Variants in SMCO3 observed in about 807,000 individuals in gnomAD.
SMCO3 encodes single-pass membrane and coiled-coil domain-containing protein 3.
A neutral mutation model predicts 12.0 loss-of-function variants in SMCO3; 6 were observed. The observed-to-expected ratio is 0.50, with a 90% CI of 0.27 to 0.99. The LOEUF is 0.99. SMCO3 is among the 50% of genes least tolerant of loss of function. The pLI is 0.11. For missense variants in SMCO3, 279 were observed against 265.0 expected, an observed-to-expected ratio of 1.05 and a Z score of -0.37; for synonymous variants, 96 against 96.4, an observed-to-expected ratio of 1.00 and a Z score of 0.02.
At chr12:14,813,673 CAT>C (rs1419030516) in intron 1 of SMCO3, among the ~76,000 whole-genome samples, 8 of 152,154 alleles carry the variant, frequency 5.3e-5, no homozygotes, top group Admixed American at 5.2e-4. Flanking sequence ...TTAGATACAA[CAT>C]AATTTATGAA....
chr12:14,806,106 A>C lies in SMCO3; in HGVS notation c.575T>G (p.Ile192Ser). ...CACCAGATGCTTCTCATAACTTTTG[A>C]TGGCTGCTTGAAGCTGTGTTTTTTC... Reference protein sequence around the residue: ...AVEKTQLQAAIKSYEKHLVEF... With the variant: ...AVEKTQLQAASKSYEKHLVEF... Residue 192 changes from isoleucine to serine, a missense_variant, in exon 2 of 2, where the codon ATC becomes AGC. Coordinates refer to ENST00000316048, the MANE Select transcript of SMCO3 (RefSeq NM_001013698.2). The C allele has an allele frequency of 6.2e-7, 1 of 1,614,118 alleles. No individual in the cohort carries two copies. Among genetic ancestry groups the C allele is most frequent in the Non-Finnish European group, 8.5e-7 (1 of 1,180,032 alleles).
chr12:14,807,740 CAT>C (rs112861905), intron 1 of SMCO3, among the ~76,000 whole-genome samples: 2,508 of 152,204 alleles, frequency 0.016, 67 homozygotes, highest in African/African-American at 0.056. Flanking sequence ...ATCAGATAAT[CAT>C]GTGATTATTC....
intron 1 of SMCO3, among the ~76,000 whole-genome samples, chr12:14,810,739 T>C (rs1328418095): frequency 1.3e-5 from 2 of 152,216 alleles, no homozygotes; most frequent in Non-Finnish European, 2.9e-5. Flanking sequence ...TATTCTTAGA[T>C]ATGTGCTTGA....
At position 14,805,157 on chromosome 12, in the gene SMCO3, T is replaced by A. The variant is rs1950029124; in HGVS notation, c.*846A>T. On this transcript the variant is annotated 3_prime_UTR_variant, in exon 2 of 2. Coordinates refer to ENST00000316048, the MANE Select transcript of SMCO3 (RefSeq NM_001013698.2). ...GAAAATGAAATTATATTCTTTTTTC[T>A]GAAAGCTTATAATAAATTATGACTT... 6.6e-6 allele frequency: 1 copy of A among 152,270 alleles called. No homozygotes were observed. Among genetic ancestry groups the A allele is most frequent in the African/African-American group, 2.4e-5 (1 of 41,470 alleles). The allele number at this position is 152,270 out of a possible 1,614,324, so 9.4% of individuals were successfully genotyped here.
chr12:14,807,688 T>A (rs1164293157), intron 1 of SMCO3, among the ~76,000 whole-genome samples: 1 of 152,200 alleles, frequency 6.6e-6, no homozygotes, highest in East Asian at 1.9e-4. Flanking sequence ...GATTAAAATT[T>A]CATGTGGGGA....
At chr12:14,807,497 T>A (rs1429861694) in intron 1 of SMCO3, among the ~76,000 whole-genome samples, 1 of 152,238 alleles carries the variant, frequency 6.6e-6, no homozygotes, top group Non-Finnish European at 1.5e-5. Flanking sequence ...TTTACAGGGC[T>A]GTTTTTTGTA....
chr12:14,811,830 A>G (rs565874153), intron 1 of SMCO3, among the ~76,000 whole-genome samples: 1 of 152,340 alleles, frequency 6.6e-6, no homozygotes, highest in Admixed American at 6.5e-5. Context: ...TGTTGAACTT[A>G]GAAATTAATA....
At chr12:14,811,465 T>G (rs1360779078) in intron 1 of SMCO3, among the ~76,000 whole-genome samples, 1 of 152,200 alleles carries the variant, frequency 6.6e-6, no homozygotes, top group Non-Finnish European at 1.5e-5. Context: ...CTTGTTATTT[T>G]ATTAAAAAAT....
chr12:14,806,506 C>G lies in SMCO3; in HGVS notation c.175G>C (p.Asp59His). 3 of 1,614,146 alleles carry G rather than the reference C, an allele frequency of 1.9e-6. No homozygotes were observed. The highest frequency in any genetic ancestry group is 2.5e-6 in the Non-Finnish European group (3 of 1,180,020). The change falls in exon 2 of 2, where the codon GAT becomes CAT. Residue 59 changes from aspartate (D) to histidine (H), a missense_variant. Coordinates refer to ENST00000316048, the MANE Select transcript of SMCO3 (RefSeq NM_001013698.2). The part of the protein sequence containing the change: ...CRLASIEMKR[D>H]GTIKENCDLI... ...TCACAGTTTTCTTTGATGGTCCCATCTCTTTTCATCTCAATGGAGGCCAGC... is the reference window on the plus strand; with the variant it reads ...TCACAGTTTTCTTTGATGGTCCCATGTCTTTTCATCTCAATGGAGGCCAGC...
At position 14,805,951 on chromosome 12, in the gene SMCO3, T is replaced by G. The variant is rs532916993; in HGVS notation, c.*52A>C. 1 of 1,508,236 alleles carries G rather than the reference T, an allele frequency of 6.6e-7. No homozygotes were observed. Among genetic ancestry groups the G allele is most frequent in the Admixed American group, 2.0e-5 (1 of 49,578 alleles). 93.4% of individuals were successfully genotyped at this position (1,508,236 alleles called of 1,614,324 possible). On this transcript the variant is annotated 3_prime_UTR_variant, in exon 2 of 2. Transcript: ENST00000316048. ...TGAACCTAATCAAAGAAGCAAACAC[T>G]GTTACTGAAAAGGAAGCAGAAAAAC...
chr12:14,807,161 A>G (rs898308947), intron 1 of SMCO3, among the ~76,000 whole-genome samples: 1 of 152,194 alleles, frequency 6.6e-6, no homozygotes, highest in Admixed American at 6.5e-5. Context: ...AGTTATTTTT[A>G]TGAAATTTGG....
chr12:14,806,170 C>G lies in SMCO3; in HGVS notation c.511G>C (p.Gly171Arg), dbSNP rs1050849792. The change falls in exon 2 of 2, where the codon GGC becomes CGC. Residue 171 changes from glycine to arginine, a missense_variant. By Grantham distance (125) the Gly-to-Arg change is moderately radical. Transcript: ENST00000316048. ...GSIGVAVLGL[G>R]IDMIVRAILG... Reference sequence around the variant, plus strand: ...ATGGCACGGACAATCATATCTATGCCAAGGCCAAGAACAGCAACTCCAATA... The same window carrying G: ...ATGGCACGGACAATCATATCTATGCGAAGGCCAAGAACAGCAACTCCAATA... 5 of 1,614,078 alleles carry G rather than the reference C, an allele frequency of 3.1e-6. No individual in the cohort carries two copies. Among genetic ancestry groups the G allele is most frequent in the Non-Finnish European group, 4.2e-6 (5 of 1,180,036 alleles).
chr12:14,811,121 C>T (rs1362937165), intron 1 of SMCO3, among the ~76,000 whole-genome samples: 1 of 152,208 alleles, frequency 6.6e-6, no homozygotes, highest in Non-Finnish European at 1.5e-5. Flanking sequence ...TGAACTTTTA[C>T]ATAATTTGAA....
intron 1 of SMCO3, among the ~76,000 whole-genome samples, chr12:14,812,362 T>A (rs1274655541): frequency 1.3e-5 from 2 of 152,000 alleles, no homozygotes; most frequent in African/African-American, 2.4e-5. Flanking sequence ...GAGAATGGCA[T>A]GAGCCTGGGA....
At chr12:14,813,961 C>T (rs1308775108) in intron 1 of SMCO3, among the ~76,000 whole-genome samples, 165 bp downstream of exon 1, 6 of 152,140 alleles carry the variant, frequency 3.9e-5, no homozygotes, top group African/African-American at 1.2e-4. Flanking sequence ...AGGTTCCTTC[C>T]AAATCACAAG....
intron 1 of SMCO3, among the ~76,000 whole-genome samples, chr12:14,807,600 C>G (rs1950073102): frequency 6.6e-6 from 1 of 152,090 alleles, no homozygotes; most frequent in Non-Finnish European, 1.5e-5. Flanking sequence ...AAAGGATATC[C>G]AAAGGCAACA....
At chr12:14,813,575 C>G (rs1950173411) in intron 1 of SMCO3, among the ~76,000 whole-genome samples, 1 of 152,176 alleles carries the variant, frequency 6.6e-6, no homozygotes, top group Non-Finnish European at 1.5e-5. Flanking sequence ...TCTACTGTGT[C>G]CCTTGAGGCA....
intron 1 of SMCO3, among the ~76,000 whole-genome samples, chr12:14,813,347 G>C (rs1385386948): frequency 6.6e-6 from 1 of 152,152 alleles, no homozygotes; most frequent in Non-Finnish European, 1.5e-5. Context: ...TAGGGTATAG[G>C]TAAAATCAGG....
At position 14,806,459 on chromosome 12, in the gene SMCO3, C is replaced by T. The variant is rs1950052379; in HGVS notation, c.222G>A (p.Met74Ile). ...ENCDLIIQAI[M>I]KIQKELQKVD... ...CCTTCTGCAATTCCTTTTGGATTTT[C>T]ATAATGGCTTGGATGATGAGGTCAC... The change falls in exon 2 of 2, where the codon ATG becomes ATA. Residue 74 changes from methionine to isoleucine, a missense_variant. Met to Ile is a conservative substitution (Grantham distance 10, BLOSUM62 1). Transcript: ENST00000316048. 1 of 1,614,142 alleles carries T rather than the reference C, an allele frequency of 6.2e-7. No homozygotes were observed. Among genetic ancestry groups the T allele is most frequent in the Non-Finnish European group, 8.5e-7 (1 of 1,180,026 alleles).
Sources: allele counts gnomAD v4.1 joint callset (sites outside exome capture counted in the v4.1 genomes callset), GRCh38; gene constraint gnomAD v4.1.1; transcripts MANE v1.5; gene names NCBI Gene and HGNC (gene_info 2026-07-23, HGNC 2026-07-21).